The following PHACTR3 variants were observed in gnomAD, a reference collection of about 807,000 sequenced individuals.
PHACTR3 encodes protein phosphatase 1, regulatory subunit 123.
A neutral mutation model predicts 66.8 loss-of-function variants in PHACTR3; 16 were observed. The observed-to-expected ratio is 0.24, with a 90% confidence interval of 0.16 to 0.36. The LOEUF (loss-of-function observed/expected upper bound fraction) is 0.36, where lower values mean the gene tolerates loss of function less well. Ranked by LOEUF, PHACTR3 falls within the 10% of genes least tolerant of loss-of-function variation. PHACTR3 has a pLI of 1.00. For synonymous variants in PHACTR3, 323 were observed against 292.1 expected, an observed-to-expected ratio of 1.11 and a Z score of -1.08; for missense variants, 647 against 719.9, an observed-to-expected ratio of 0.90 and a Z score of 1.16.
At chr20:59,598,168 T>C (rs2033378597) in intron 1 of PHACTR3, among the ~76,000 whole-genome samples, 1 of 152,220 alleles carries the variant, frequency 6.6e-6, no homozygotes, top group African/African-American at 2.4e-5. Flanking sequence ...GGGTTGTGTT[T>C]CTCTGCTCTG....
At chr20:59,718,684 G>A (rs1425367785) in intron 1 of PHACTR3, among the ~76,000 whole-genome samples, 4 of 152,264 alleles carry the variant, frequency 2.6e-5, no homozygotes, top group South Asian at 2.1e-4. Flanking sequence ...TGCCAATTTT[G>A]TGGGTCGATG....
intron 2 of PHACTR3, among the ~76,000 whole-genome samples, chr20:59,746,320 TCG>T (rs1459766790): frequency 6.6e-6 from 1 of 152,134 alleles, no homozygotes; most frequent in Non-Finnish European, 1.5e-5. Context: ...TTATTCCTCC[TCG>T]CCCACTTCTA....
intron 3 of PHACTR3, among the ~76,000 whole-genome samples, chr20:59,748,376 G>C (rs982524105): frequency 6.6e-6 from 1 of 152,264 alleles, no homozygotes; most frequent in South Asian, 2.1e-4. Flanking sequence ...AGGCGTGGGA[G>C]GGTCTGGGTG....
In PHACTR3 at chr20:59,833,338, G is replaced by A. The variant is rs75991285; in HGVS notation, c.1329-3167G>A. On this transcript the variant is annotated intron_variant, in intron 8 of 12. Coordinates refer to ENST00000371015, the MANE Select transcript of PHACTR3 (RefSeq NM_080672.5). ...CAGTTTTTGCTGGCTTGATGTCCAC[G>A]CTTTCCTGAGGTGTACCAGTTGGAT... Among the ~76,000 whole-genome samples, 5 of 152,322 alleles carry A rather than the reference G, an allele frequency of 3.3e-5. No homozygotes were observed. The East Asian group carries it at 5.8e-4, about 18-fold the overall frequency.
chr20:59,798,273 A>C (rs1325646145), intron 7 of PHACTR3, among the ~76,000 whole-genome samples: 1 of 152,204 alleles, frequency 6.6e-6, no homozygotes, highest in African/African-American at 2.4e-5. Flanking sequence ...CAAGCCATTC[A>C]TGATGGAGGA....
At chr20:59,692,449 G>C (rs1335118596) in intron 1 of PHACTR3, among the ~76,000 whole-genome samples, 1 of 152,232 alleles carries the variant, frequency 6.6e-6, no homozygotes, top group East Asian at 1.9e-4. Flanking sequence ...TTGTGGTTTG[G>C]TTGTGAGTCT....
At chr20:59,831,416 A>G (rs2042372922) in intron 8 of PHACTR3, among the ~76,000 whole-genome samples, 1 of 151,960 alleles carries the variant, frequency 6.6e-6, no homozygotes, top group African/African-American at 2.4e-5. Context: ...TTCTTTTCTT[A>G]GTGTTGCTCC....
At chr20:59,657,779 G>A (rs1369812239) in intron 1 of PHACTR3, among the ~76,000 whole-genome samples, 2 of 152,070 alleles carry the variant, frequency 1.3e-5, no homozygotes, top group Non-Finnish European at 2.9e-5. Context: ...GTGCTTGGGT[G>A]CAGGTCTCTT....
chr20:59,697,891 A>G (rs1350973014), intron 1 of PHACTR3, among the ~76,000 whole-genome samples: 2 of 152,192 alleles, frequency 1.3e-5, no homozygotes, highest in Non-Finnish European at 2.9e-5. Flanking sequence ...GTGTTGGCAA[A>G]CACATGTGGA....
At chr20:59,585,364 A>G (rs1264034094) in intron 1 of PHACTR3, among the ~76,000 whole-genome samples, 3 of 152,124 alleles carry the variant, frequency 2.0e-5, no homozygotes, top group Non-Finnish European at 4.4e-5. Flanking sequence ...GGACTCTCAG[A>G]TGCTTGTGCC....
At chr20:59,671,289 G>C (rs2036189550) in intron 1 of PHACTR3, among the ~76,000 whole-genome samples, 1 of 152,222 alleles carries the variant, frequency 6.6e-6, no homozygotes, top group Non-Finnish European at 1.5e-5. Context: ...GCGGCTCCAT[G>C]CTGGGTGAGC....
At chr20:59,760,415 G>A (rs922889730) in intron 4 of PHACTR3, among the ~76,000 whole-genome samples, 3 of 152,138 alleles carry the variant, frequency 2.0e-5, no homozygotes, top group African/African-American at 2.4e-5. Context: ...TAATTCCCAC[G>A]TGTGGTGGGA....
intron 1 of PHACTR3, among the ~76,000 whole-genome samples, chr20:59,691,939 T>C (rs987160394): frequency 6.6e-6 from 1 of 152,210 alleles, no homozygotes; most frequent in Non-Finnish European, 1.5e-5. Context: ...ATATTTAGCT[T>C]AGTGGACTGC....
intron 1 of PHACTR3, among the ~76,000 whole-genome samples, chr20:59,640,159 A>C (rs1163585059): frequency 6.6e-6 from 1 of 152,216 alleles, no homozygotes. Context: ...CAGCTGAGCA[A>C]TATTGGGAAA....
At chr20:59,811,514 C>T (rs1196062857) in intron 8 of PHACTR3, among the ~76,000 whole-genome samples, 1 of 152,134 alleles carries the variant, frequency 6.6e-6, no homozygotes, top group Non-Finnish European at 1.5e-5. Context: ...CAAAAATTAG[C>T]CAGGCGTGGT....
intron 8 of PHACTR3, among the ~76,000 whole-genome samples, chr20:59,833,407 C>A (rs2042443094): frequency 6.6e-6 from 1 of 152,234 alleles, no homozygotes. Context: ...GCTGGCAAGT[C>A]ACAGGTTGGG....
rs187490246 is a variant in PHACTR3, at chr20:59,605,999, G to T, written c.118+867G>T. Reference sequence around the variant, plus strand: ...TTCTGAAATGTAGGGTTCAAAAAAAGAATCAAAGCTGGTGTTTTGGTATCA... The same window carrying T: ...TTCTGAAATGTAGGGTTCAAAAAAATAATCAAAGCTGGTGTTTTGGTATCA... On this transcript the variant is annotated intron_variant, in intron 1 of 12. Coordinates refer to ENST00000371015, the MANE Select transcript of PHACTR3 (RefSeq NM_080672.5). 4.6e-5 allele frequency among the ~76,000 whole-genome samples: 7 copies of T among 152,256 alleles called. No homozygotes were observed. The East Asian group carries it at 1.4e-3, about 29-fold the overall frequency.
intron 7 of PHACTR3, among the ~76,000 whole-genome samples, chr20:59,787,727 C>T (rs1472207883): frequency 6.6e-6 from 1 of 152,158 alleles, no homozygotes; most frequent in Non-Finnish European, 1.5e-5. Flanking sequence ...TGGGCTAGAG[C>T]TCAGGCTTTC....
At chr20:59,753,812 G>A (rs1055878023) in intron 3 of PHACTR3, among the ~76,000 whole-genome samples, 3 of 152,224 alleles carry the variant, frequency 2.0e-5, no homozygotes, top group Non-Finnish European at 4.4e-5. Flanking sequence ...TGTCCAAACA[G>A]GACACTTTTA....
Sources: gnomAD v4.1 joint callset for allele counts (sites outside exome capture counted in the v4.1 genomes callset) on GRCh38, gnomAD v4.1.1 for gene constraint, MANE v1.5 for transcripts, NCBI Gene and HGNC (gene_info 2026-07-23, HGNC 2026-07-21) for gene names.